Variants in SLC4A8 observed in about 807,000 individuals in gnomAD.
The protein encoded by SLC4A8 is electroneutral sodium bicarbonate exchanger 1.
Under a neutral mutation model 125.0 loss-of-function variants are expected in SLC4A8, and 40 were observed. The ratio of observed to expected loss-of-function variants is 0.32; its 90% CI spans 0.25 to 0.42. The LOEUF (loss-of-function observed/expected upper bound fraction) is 0.42, where lower values mean the gene tolerates loss of function less well. Ranked by LOEUF, SLC4A8 falls within the 10% of genes least tolerant of loss-of-function variation. The pLI, the probability that SLC4A8 is intolerant of heterozygous loss-of-function variation, is 1.00. For synonymous variants in SLC4A8, 456 were observed against 476.0 expected (o/e 0.96, Z 0.55); for missense variants, 863 against 1,355.1 (o/e 0.64, Z 5.70).
In SLC4A8 at chr12:51,475,137, C is replaced by G. The variant is rs759637962; in HGVS notation, c.2103C>G (p.Leu701=). Residue 701 remains leucine, a synonymous_variant, in exon 16 of 25, where the codon CTC becomes CTG. Coordinates refer to ENST00000453097, the MANE Select transcript of SLC4A8 (RefSeq NM_001039960.3). ...ATGTCCTCTTTTGGTCCTGTATTCT[C>G]TTTTTCACCACCTTCATCCTCTCAA... ...TPDVLFWSCI[L]FFTTFILSST... The G allele has an allele frequency of 7.4e-6, 12 of 1,614,180 alleles. No individual in the cohort carries two copies. The highest frequency in any genetic ancestry group is 2.2e-5 in the East Asian group (1 of 44,894).
intron 1 of SLC4A8, among the ~76,000 whole-genome samples, chr12:51,403,728 C>T (rs896790027): frequency 3.3e-5 from 5 of 152,234 alleles, no homozygotes; most frequent in African/African-American, 7.2e-5. Context: ...ATTTAACACC[C>T]GGCAATAATT....
intron 2 of SLC4A8, among the ~76,000 whole-genome samples, chr12:51,445,910 C>G (rs1350456226): frequency 6.6e-6 from 1 of 152,136 alleles, no homozygotes; most frequent in Non-Finnish European, 1.5e-5. Context: ...TATTGTATCC[C>G]CAGCCCTTGG....
At chr12:51,474,490 G>A in intron 15 of SLC4A8, 43 bp downstream of exon 15, 1 of 1,583,672 alleles carries the variant, frequency 6.3e-7, no homozygotes, top group Non-Finnish European at 8.6e-7. Context: ...TGTGACCACA[G>A]GTTTAGGAGG....
At chr12:51,487,981 C>G (rs1951205425) in intron 17 of SLC4A8, among the ~76,000 whole-genome samples, 1 of 152,172 alleles carries the variant, frequency 6.6e-6, no homozygotes, top group African/African-American at 2.4e-5. Context: ...TTTTTGACAA[C>G]AGATACAGTT....
intron 21 of SLC4A8, among the ~76,000 whole-genome samples, chr12:51,495,605 A>G (rs977294130): frequency 4.0e-5 from 6 of 149,904 alleles, no homozygotes; most frequent in African/African-American, 1.5e-4. Flanking sequence ...CCTCCCTAAT[A>G]GCTGGGATTA....
chr12:51,436,747 C>T (rs1381361228), intron 1 of SLC4A8, among the ~76,000 whole-genome samples: 1 of 152,198 alleles, frequency 6.6e-6, no homozygotes, highest in Non-Finnish European at 1.5e-5. Flanking sequence ...CTGCCTCAGC[C>T]TCCCAAGTAG....
intron 22 of SLC4A8, among the ~76,000 whole-genome samples, chr12:51,498,163 A>G (rs1937655309): frequency 6.6e-6 from 1 of 152,146 alleles, no homozygotes; most frequent in African/African-American, 2.4e-5. Context: ...AGAAAACTTT[A>G]AAGAGAATAT....
chr12:51,423,294 A>T (rs948263406), upstream of SLC4A8, among the ~76,000 whole-genome samples: 17 of 152,234 alleles, frequency 1.1e-4, no homozygotes, highest in African/African-American at 4.1e-4. Context: ...GTGAGATGAC[A>T]TCTGTTAGGG....
intron 16 of SLC4A8, among the ~76,000 whole-genome samples, chr12:51,477,085 G>T (rs1257137471): frequency 6.6e-6 from 1 of 151,638 alleles, no homozygotes; most frequent in African/African-American, 2.4e-5. Context: ...TGTATTTTTA[G>T]TAGAGACGGG....
chr12:51,442,832 C>T (rs10876180), intron 2 of SLC4A8, among the ~76,000 whole-genome samples: 83,429 of 151,522 alleles, frequency 0.55, 23,146 homozygotes, highest in African/African-American at 0.62. Flanking sequence ...AGACTCACTC[C>T]GAAGGGCAGC....
At chr12:51,478,472 A>G (rs928416821) in intron 16 of SLC4A8, among the ~76,000 whole-genome samples, 11 of 152,122 alleles carry the variant, frequency 7.2e-5, no homozygotes, top group Admixed American at 6.6e-4. Flanking sequence ...AAGAAACTTT[A>G]TATGATATTA....
At chr12:51,487,289 A>G (rs901450733) in intron 17 of SLC4A8, among the ~76,000 whole-genome samples, 9 of 152,192 alleles carry the variant, frequency 5.9e-5, no homozygotes, top group African/African-American at 2.2e-4. Context: ...GAAGGCTAGT[A>G]CTATTACTAG....
At chr12:51,474,639 C>T in intron 15 of SLC4A8, 192 bp downstream of exon 15, 1 of 1,033,104 alleles carries the variant, frequency 9.7e-7, no homozygotes, top group Non-Finnish European at 1.4e-6. Context: ...AGAAGATTAC[C>T]CTTCTCTTTT....
At chr12:51,416,853 A>C (rs1169206890) in intron 1 of SLC4A8, among the ~76,000 whole-genome samples, 1 of 152,088 alleles carries the variant, frequency 6.6e-6, no homozygotes, top group Non-Finnish European at 1.5e-5. Flanking sequence ...TAAGAGTAAG[A>C]ACTGCTCATG....
At chr12:51,473,225 A>G (rs1950759208) in intron 14 of SLC4A8, among the ~76,000 whole-genome samples, 1 of 151,996 alleles carries the variant, frequency 6.6e-6, no homozygotes, top group Non-Finnish European at 1.5e-5. Flanking sequence ...CCTACCCCCA[A>G]CTCCTAACAA....
intron 16 of SLC4A8, among the ~76,000 whole-genome samples, chr12:51,475,408 C>T (rs149223876): frequency 2.0e-5 from 3 of 152,162 alleles, no homozygotes; most frequent in Admixed American, 6.5e-5. Flanking sequence ...ATACTTAAAA[C>T]CTTTTTGGTT....
intron 22 of SLC4A8, among the ~76,000 whole-genome samples, chr12:51,502,764 A>G (rs1034058074): frequency 6.6e-5 from 10 of 150,962 alleles, no homozygotes; most frequent in African/African-American, 2.4e-4. Context: ...TCTGCCTCCC[A>G]GGTTCAAGCG....
intron 5 of SLC4A8, among the ~76,000 whole-genome samples, 167 bp downstream of exon 5, chr12:51,453,866 T>C (rs1950046445): frequency 1.3e-5 from 2 of 149,368 alleles, no homozygotes; most frequent in Non-Finnish European, 3.0e-5. Context: ...TTCAGGCTAA[T>C]AAACGACTCT....
intron 8 of SLC4A8, 71 bp from the exon 9 acceptor site, chr12:51,461,133 C>T: frequency 1.5e-6 from 1 of 679,576 alleles, no homozygotes; most frequent in South Asian, 1.9e-5. Context: ...AAATCTTATA[C>T]TGTTTAGAGA....
Sources: gnomAD v4.1 joint callset for allele counts (sites outside exome capture counted in the v4.1 genomes callset) on GRCh38, gnomAD v4.1.1 for gene constraint, MANE v1.5 for transcripts, NCBI Gene and HGNC (gene_info 2026-07-23, HGNC 2026-07-21) for gene names.